Variants in PRKCA observed in about 807,000 individuals in gnomAD.
PRKCA encodes the protein protein kinase C alpha type.
In PRKCA, 27 loss-of-function variants were observed where a neutral mutation model predicts 87.0. That is an observed-to-expected ratio of 0.31 (90% CI 0.23 to 0.43). The LOEUF is 0.43. Among genes scored for constraint, PRKCA ranks in the 20% least tolerant of loss-of-function variants. PRKCA has a pLI of 1.00. For synonymous variants in PRKCA, 329 were observed against 311.1 expected (o/e 1.06, Z -0.61); for missense variants, 518 against 852.3 (o/e 0.61, Z 4.88).
rs1239299962 is a variant in PRKCA at position 66,745,707 on chromosome 17, TA to T, written c.1524+2950del. On this transcript the variant is annotated intron_variant, in intron 13 of 16. Transcript: ENST00000413366. ...AAAATAAATAAATAAATAAATACAA[TA>T]AACCTTCTCTCATTTAATCCTCATG... is the stretch of plus-strand genomic sequence containing the variant. Among the ~76,000 whole-genome samples the T allele has an allele frequency of 2.0e-5, 3 of 151,980 alleles. No individual in the cohort carries two copies. The East Asian group carries it at 5.8e-4, about 29-fold the overall frequency.
chr17:66,775,691 T>C (rs1212616756), intron 14 of PRKCA: 1 of 985,326 alleles, frequency 1.0e-6, no homozygotes, highest in African/African-American at 1.7e-5. Context: ...CATCTTTGTT[T>C]CTGGGGAAAA....
intron 8 of PRKCA, among the ~76,000 whole-genome samples, chr17:66,727,792 AG>A (rs1236518765): frequency 6.6e-6 from 1 of 152,110 alleles, no homozygotes; most frequent in Non-Finnish European, 1.5e-5. Context: ...GTCTTCAGGA[AG>A]ACAGAGGAGG....
intron 13 of PRKCA, among the ~76,000 whole-genome samples, chr17:66,765,849 C>T (rs1303258821): frequency 6.6e-6 from 1 of 152,100 alleles, no homozygotes. Context: ...TATTTATTAA[C>T]CACAACTGCT....
intron 14 of PRKCA, chr17:66,777,628 T>A: frequency 1.0e-6 from 1 of 985,296 alleles, no homozygotes; most frequent in African/African-American, 1.7e-5. Context: ...AGAGTCCTGC[T>A]TTTCATGAAG....
rs1004378310 is a variant in PRKCA at position 66,608,121 on chromosome 17, A to AAGCACACCGATTGG, written c.289-33212_289-33199dup. 1.4e-4 allele frequency among the ~76,000 whole-genome samples: 22 copies of AAGCACACCGATTGG among 151,872 alleles called. 1 individual carries two copies. Among genetic ancestry groups the AAGCACACCGATTGG allele is most frequent in the East Asian group, 5.8e-4 (3 of 5,156 alleles). Reference sequence around the variant, plus strand: ...CACACCGATTGGAGCACACCGACTGAAGCACACCGATTGGAGCACACCGAT... The same window carrying AAGCACACCGATTGG: ...CACACCGATTGGAGCACACCGACTGAAGCACACCGATTGGAGCACACCGATTGGAGCACACCGAT... On this transcript the variant is annotated intron_variant, in intron 3 of 16. Coordinates refer to ENST00000413366, the MANE Select transcript of PRKCA (RefSeq NM_002737.3).
At chr17:66,619,368 C>T (rs1238103394) in intron 3 of PRKCA, among the ~76,000 whole-genome samples, 2 of 152,134 alleles carry the variant, frequency 1.3e-5, no homozygotes, top group East Asian at 1.9e-4. Flanking sequence ...TGCCCTAAAG[C>T]CAAATGCGTA....
intron 3 of PRKCA, among the ~76,000 whole-genome samples, chr17:66,612,945 G>A (rs1178492832): frequency 6.6e-6 from 1 of 152,082 alleles, no homozygotes; most frequent in African/African-American, 2.4e-5. Context: ...TTATTCATTT[G>A]ATATTCTCAA....
intron 3 of PRKCA, among the ~76,000 whole-genome samples, chr17:66,516,001 A>T (rs1440867043): frequency 2.6e-5 from 4 of 152,210 alleles, no homozygotes; most frequent in African/African-American, 9.7e-5. Context: ...TTTGAGATTC[A>T]ATACTTGTGT....
intron 5 of PRKCA, among the ~76,000 whole-genome samples, chr17:66,655,517 GC>G (rs1971712275): frequency 6.6e-6 from 1 of 152,148 alleles, no homozygotes; most frequent in African/African-American, 2.4e-5. Context: ...CACATTTTAT[GC>G]CATGCCTGAA....
Position 66,792,833 on chromosome 17 carries a change from C to T in PRKCA, c.1854+3854C>T, listed in dbSNP as rs555763409. On this transcript the variant is annotated intron_variant, in intron 16 of 16. Coordinates refer to ENST00000413366, the MANE Select transcript of PRKCA (RefSeq NM_002737.3). This position sits in a 1 kb window ranked among gnomAD's most constrained non-coding sequence, Gnocchi z 4.5. ...CCCTGGTGGTGGCAGGGTCCCATGG[C>T]GGTGGTCATCTCTCCTGGCAGTGGC... Among the ~76,000 whole-genome samples the T allele has an allele frequency of 7.7e-4, 118 of 152,270 alleles. No individual in the cohort carries two copies. Among genetic ancestry groups the T allele is most frequent in the Non-Finnish European group, 1.3e-3 (86 of 68,010 alleles).
At chr17:66,328,698 T>C (rs1906141262) in intron 2 of PRKCA, among the ~76,000 whole-genome samples, 1 of 152,102 alleles carries the variant, frequency 6.6e-6, no homozygotes, top group East Asian at 1.9e-4. Context: ...CTTGGCAGGA[T>C]GAGGCAGGAG....
At chr17:66,660,687 A>G (rs892374990) in intron 5 of PRKCA, among the ~76,000 whole-genome samples, 1 of 152,170 alleles carries the variant, frequency 6.6e-6, no homozygotes. Context: ...CAGGAGATCA[A>G]GACCATCCTG....
intron 8 of PRKCA, among the ~76,000 whole-genome samples, chr17:66,696,236 A>C (rs1291380651): frequency 6.6e-6 from 1 of 152,214 alleles, no homozygotes; most frequent in Non-Finnish European, 1.5e-5. Flanking sequence ...CTAGGTTCAA[A>C]TCCTGCCCCT....
rs1041346005 is a variant in PRKCA at position 66,792,586 on chromosome 17, G to A, written c.1854+3607G>A. On this transcript the variant is annotated intron_variant, in intron 16 of 16. Transcript: ENST00000413366. This position sits in a 1 kb window ranked among gnomAD's most constrained non-coding sequence, Gnocchi z 4.5. ...GTGCCATGCAAAATGCGATCCCAGC[G>A]CAAAAAGCATCTCACAATGCCGTGA... Among the ~76,000 whole-genome samples the A allele has an allele frequency of 5.2e-4, 79 of 152,152 alleles. No individual in the cohort carries two copies. Among genetic ancestry groups the A allele is most frequent in the African/African-American group, 1.9e-3 (77 of 41,432 alleles).
chr17:66,339,481 A>T (rs1317535105), intron 2 of PRKCA, among the ~76,000 whole-genome samples: 1 of 152,126 alleles, frequency 6.6e-6, no homozygotes, highest in Non-Finnish European at 1.5e-5. Flanking sequence ...GTTTAATTTT[A>T]GTTTATGCTA....
At chr17:66,613,156 A>G (rs1347676622) in intron 3 of PRKCA, among the ~76,000 whole-genome samples, 1 of 152,168 alleles carries the variant, frequency 6.6e-6, no homozygotes, top group Non-Finnish European at 1.5e-5. Flanking sequence ...CACCTCAATA[A>G]ACCACTACAT....
intron 2 of PRKCA, among the ~76,000 whole-genome samples, chr17:66,306,630 C>T (rs1904831295): frequency 6.6e-6 from 1 of 152,150 alleles, no homozygotes; most frequent in Non-Finnish European, 1.5e-5. Context: ...GATTTGATGA[C>T]TGATTTCTAT....
chr17:66,421,345 G>A (rs562746356), intron 2 of PRKCA, among the ~76,000 whole-genome samples: 6 of 151,734 alleles, frequency 4.0e-5, no homozygotes, highest in Non-Finnish European at 7.4e-5. Context: ...CTTTCTGGAA[G>A]GAAGGGGCAG....
intron 10 of PRKCA, among the ~76,000 whole-genome samples, chr17:66,735,920 C>CTTTTTTTTTTTTTTTTTTTTTTTTTT (rs5821508): frequency 1.6e-5 from 2 of 122,116 alleles, no homozygotes; most frequent in East Asian, 2.4e-4. Flanking sequence ...TTCTTTCTTT[C>CTTTTTTTTTTTTTTTTTTTTTTTTTT]TTTTTTTTTT....
Sources: allele counts gnomAD v4.1 joint callset (sites outside exome capture counted in the v4.1 genomes callset), GRCh38; gene constraint gnomAD v4.1.1; non-coding constraint Gnocchi (gnomAD v3.1); transcripts MANE v1.5; gene names NCBI Gene and HGNC (gene_info 2026-07-23, HGNC 2026-07-21).